The following DYNLRB2 variants were observed in gnomAD, a reference collection of about 807,000 sequenced individuals.
The protein encoded by DYNLRB2 is bithoraxoid-like protein.
DYNLRB2 carries 14 observed loss-of-function variants against 12.6 expected under a neutral mutation model. The ratio of observed to expected loss-of-function variants is 1.11; its 90% CI spans 0.73 to 1.73. DYNLRB2 has a LOEUF of 1.73. Among genes scored for constraint, DYNLRB2 ranks in the 40% most tolerant of loss-of-function variants. DYNLRB2 has a pLI of 0.00. For synonymous variants in DYNLRB2, 53 were observed against 37.0 expected (o/e 1.43, Z -1.57); for missense variants, 142 against 117.7 (o/e 1.21, Z -0.95).
intron 2 of DYNLRB2, among the ~76,000 whole-genome samples, chr16:80,546,555 A>G (rs1008395334): frequency 2.0e-5 from 3 of 152,324 alleles, no homozygotes; most frequent in Admixed American, 1.3e-4. Flanking sequence ...ATTTAGCCCA[A>G]TGCTACACGT....
intron 2 of DYNLRB2, 113 bp downstream of exon 2, chr16:80,543,464 A>T: frequency 1.0e-6 from 1 of 995,268 alleles, no homozygotes; most frequent in Admixed American, 2.4e-5. Context: ...ATATATTTAT[A>T]TATTTTAGCT....
In DYNLRB2 at chr16:80,550,511, A is replaced by C. The variant is rs375526337; in HGVS notation, c.248-4A>C. ...GTGAATTGATTTTATCCATCTCTCCATAGATAAGGAATATCTTCTGATCGT... is the reference window on the plus strand; with the variant it reads ...GTGAATTGATTTTATCCATCTCTCCCTAGATAAGGAATATCTTCTGATCGT... On this transcript the variant is annotated splice_region_variant and splice_polypyrimidine_tract_variant and intron_variant, in intron 3 of 3. Transcript: ENST00000305904. The C allele has an allele frequency of 2.5e-6, 4 of 1,614,054 alleles. No homozygotes were observed. In the African/African-American group the frequency reaches 5.3e-5, roughly 22 times the overall value.
chr16:80,546,266 G>A (rs868190735), intron 2 of DYNLRB2, among the ~76,000 whole-genome samples: 1 of 152,198 alleles, frequency 6.6e-6, no homozygotes, highest in Non-Finnish European at 1.5e-5. Flanking sequence ...TTTCAGTGCA[G>A]CTTTGTAGCT....
intron 1 of DYNLRB2, among the ~76,000 whole-genome samples, chr16:80,542,309 A>C (rs1048644414): frequency 1.3e-5 from 2 of 152,244 alleles, no homozygotes; most frequent in Admixed American, 6.5e-5. Context: ...AATAGTATAC[A>C]TGGCATTCAT....
rs775659372 is a variant in DYNLRB2, at chr16:80,545,666, CTTT to C, written c.79+2332_79+2334del. 6.9e-3 allele frequency among the ~76,000 whole-genome samples: 520 copies of C among 74,930 alleles called. 29 individuals are homozygous for C. The highest frequency in any genetic ancestry group is 9.3e-3 in the Non-Finnish European group (375 of 40,198). The allele number at this position is 74,930 out of a possible 152,430, so 49.2% of individuals were successfully genotyped here. On this transcript the variant is annotated intron_variant, in intron 2 of 3. Coordinates refer to ENST00000305904, the MANE Select transcript of DYNLRB2 (RefSeq NM_130897.3). ...TATTATTTTCAGTACCCATTAGCTTCTTTTTTTTTTTTTTTTTTTGAGATGGAG... is the reference window on the plus strand; with the variant it reads ...TATTATTTTCAGTACCCATTAGCTTCTTTTTTTTTTTTTTTTGAGATGGAG...
intron 2 of DYNLRB2, among the ~76,000 whole-genome samples, chr16:80,546,631 A>G (rs374760998): frequency 1.3e-5 from 2 of 152,238 alleles, no homozygotes; most frequent in African/African-American, 4.8e-5. Context: ...TGTTTACAAT[A>G]TTGCAACACT....
At chr16:80,549,347 A>C in intron 2 of DYNLRB2, 137 bp from the exon 3 acceptor site, 1 of 870,282 alleles carries the variant, frequency 1.1e-6, no homozygotes, top group Non-Finnish European at 1.6e-6. Context: ...GAAATAAACT[A>C]AAATTGTTAC....
Position 80,545,666 on chromosome 16 carries a change from CTTTT to C in DYNLRB2, c.79+2331_79+2334del, listed in dbSNP as rs775659372. On this transcript the variant is annotated intron_variant, in intron 2 of 3. Coordinates refer to ENST00000305904, the MANE Select transcript of DYNLRB2 (RefSeq NM_130897.3). Reference sequence around the variant, plus strand: ...TATTATTTTCAGTACCCATTAGCTTCTTTTTTTTTTTTTTTTTTTGAGATGGAGT... The same window carrying C: ...TATTATTTTCAGTACCCATTAGCTTCTTTTTTTTTTTTTTTGAGATGGAGT... Among the ~76,000 whole-genome samples, 7 of 74,916 alleles carry C rather than the reference CTTTT, an allele frequency of 9.3e-5. No individual in the cohort carries two copies. In the South Asian group the frequency reaches 2.3e-3, roughly 24 times the overall value. 49.1% of individuals were successfully genotyped at this position (74,916 alleles called of 152,430 possible).
At chr16:80,541,707 A>T (rs762961986) in intron 1 of DYNLRB2, among the ~76,000 whole-genome samples, 7 of 151,972 alleles carry the variant, frequency 4.6e-5, no homozygotes, top group Non-Finnish European at 7.4e-5. Flanking sequence ...AAATCATGAG[A>T]AGAGAAACAA....
chr16:80,545,957 C>T (rs1011735130), intron 2 of DYNLRB2, among the ~76,000 whole-genome samples: 4 of 152,058 alleles, frequency 2.6e-5, no homozygotes, highest in Non-Finnish European at 4.4e-5. Context: ...GCGTGAGCCA[C>T]CACGCCCAGC....
chr16:80,540,919 G>C (rs977819435), upstream of DYNLRB2: 32 of 1,354,462 alleles, frequency 2.4e-5, no homozygotes, highest in Non-Finnish European at 3.0e-5. Context: ...TCAGGAGCGC[G>C]GTCAGGGCGA....
intron 1 of DYNLRB2, among the ~76,000 whole-genome samples, chr16:80,542,585 G>C (rs1016556239): frequency 1.3e-5 from 2 of 152,148 alleles, no homozygotes; most frequent in African/African-American, 4.8e-5. Context: ...TCTTGTCTTT[G>C]AGTTTTCTAC....
In DYNLRB2 at chr16:80,541,047, G is replaced by T. The variant is rs1024178429; in HGVS notation, c.-30G>T. ...GACATCCCGGGAGGCTGTGCCGCCG[G>T]CCTGAGCCCAGAGTTTCGCGGCCTC... On this transcript the variant is annotated 5_prime_UTR_variant, in exon 1 of 4. Transcript: ENST00000305904. 26 of 1,606,664 alleles carry T rather than the reference G, an allele frequency of 1.6e-5. No individual in the cohort carries two copies. The highest frequency in any genetic ancestry group is 2.0e-5 in the Non-Finnish European group (24 of 1,175,918).
chr16:80,540,944 G>C, upstream of DYNLRB2: 4 of 1,520,978 alleles, frequency 2.6e-6, no homozygotes, highest in Non-Finnish European at 3.6e-6. Context: ...GCCGACTCGC[G>C]AGCGCGCAGG....
intron 1 of DYNLRB2, among the ~76,000 whole-genome samples, chr16:80,541,704 G>T (rs924289297): frequency 6.6e-6 from 1 of 151,708 alleles, no homozygotes; most frequent in Non-Finnish European, 1.5e-5. Context: ...TACAAATCAT[G>T]AGAAGAGAAA....
chr16:80,548,665 T>A (rs983106072), intron 2 of DYNLRB2, among the ~76,000 whole-genome samples: 2 of 148,366 alleles, frequency 1.3e-5, no homozygotes, highest in African/African-American at 2.5e-5. Flanking sequence ...GAGGTTGCAA[T>A]GAGCCAAGAT....
rs1359819599 is a variant in DYNLRB2, at chr16:80,549,713, G to T, written c.247+62G>T. The T allele has an allele frequency of 9.4e-6, 14 of 1,485,852 alleles. No homozygotes were observed. In the South Asian group the frequency reaches 1.9e-4, roughly 20 times the overall value. The allele number at this position is 1,485,852 out of a possible 1,614,324, so 92.0% of individuals were successfully genotyped here. Reference sequence around the variant, plus strand: ...TCTAATTTGCTAGATTAAAAGCCTTGTTTCTATGAATGGTAAGTACAGATT... The same window carrying T: ...TCTAATTTGCTAGATTAAAAGCCTTTTTTCTATGAATGGTAAGTACAGATT... On this transcript the variant is annotated intron_variant, in intron 3 of 3. Coordinates refer to ENST00000305904, the MANE Select transcript of DYNLRB2 (RefSeq NM_130897.3).
upstream of DYNLRB2, chr16:80,540,946 G>A (rs1002483437): frequency 3.9e-6 from 6 of 1,523,626 alleles, no homozygotes; most frequent in Middle Eastern, 1.7e-4. Flanking sequence ...CGACTCGCGA[G>A]CGCGCAGGCG....
chr16:80,540,830 T>C (rs1361838006), upstream of DYNLRB2: 1 of 723,296 alleles, frequency 1.4e-6, no homozygotes, highest in East Asian at 2.7e-5. Flanking sequence ...CGGGACCCAC[T>C]GCTCCAGGAT....
Sources: gnomAD v4.1 joint callset for allele counts (sites outside exome capture counted in the v4.1 genomes callset) on GRCh38, gnomAD v4.1.1 for gene constraint, MANE v1.5 for transcripts, NCBI Gene and HGNC (gene_info 2026-07-23, HGNC 2026-07-21) for gene names.